Variants in LRFN5 observed in about 807,000 individuals in gnomAD.
LRFN5 encodes the protein leucine-rich repeat and fibronectin type-III domain-containing protein 5.
In LRFN5, 24 loss-of-function variants were observed where a neutral mutation model predicts 45.6. The observed-to-expected ratio is 0.53, with a 90% CI of 0.38 to 0.74. The LOEUF (loss-of-function observed/expected upper bound fraction) is 0.74. Ranked by LOEUF, LRFN5 falls within the 30% of genes least tolerant of loss-of-function variation. The pLI, the probability that LRFN5 is intolerant of heterozygous loss-of-function variation, is 0.00. For missense variants in LRFN5, 776 were observed against 861.5 expected (o/e 0.90, Z 1.24); for synonymous variants, 340 against 313.8 (o/e 1.08, Z -0.88).
chr14:41,819,772 T>C (rs1047449253), intron 2 of LRFN5, among the ~76,000 whole-genome samples: 3 of 152,162 alleles, frequency 2.0e-5, no homozygotes, highest in Admixed American at 6.6e-5. Context: ...CCAGGAGAGA[T>C]AGCCTTCATG....
intron 1 of LRFN5, chr14:41,742,545 A>G (rs2138823925): frequency 6.6e-6 from 1 of 152,294 alleles, no homozygotes; most frequent in East Asian, 1.9e-4. Context: ...CACTTCTTTC[A>G]TCTCTGCAGT....
chr14:41,875,152 A>C (rs1890146034), intron 2 of LRFN5, among the ~76,000 whole-genome samples: 1 of 152,224 alleles, frequency 6.6e-6, no homozygotes, highest in African/African-American at 2.4e-5. Flanking sequence ...TGTTTTAATT[A>C]ATTGAAGTTT....
At chr14:41,893,460 T>G in intron 4 of LRFN5, 1 of 985,060 alleles carries the variant, frequency 1.0e-6, no homozygotes, top group Non-Finnish European at 1.2e-6. Flanking sequence ...GAAATGACAT[T>G]TTAGCCATAA....
At chr14:41,623,357 C>T (rs1212917027) in intron 1 of LRFN5, among the ~76,000 whole-genome samples, 3 of 152,218 alleles carry the variant, frequency 2.0e-5, no homozygotes, top group East Asian at 3.9e-4. Context: ...TTTCCCGAGG[C>T]TTCCCCAGCC....
rs1213013032 is a variant in LRFN5 at position 41,844,820 on chromosome 14, C to CT, written c.-20-41779dup. Among the ~76,000 whole-genome samples the CT allele has an allele frequency of 3.9e-5, 6 of 151,976 alleles. No homozygotes were observed. In the East Asian group the frequency reaches 9.6e-4, roughly 24 times the overall value. ...GAACAAGAATTCCACTACATATAGT[C>CT]TTTTTTTGTATCATTTTCATATAGC... On this transcript the variant is annotated intron_variant, in intron 2 of 5. Transcript: ENST00000298119.
intron 1 of LRFN5, among the ~76,000 whole-genome samples, chr14:41,749,839 T>A (rs953887155): frequency 2.0e-5 from 3 of 152,122 alleles, no homozygotes; most frequent in Non-Finnish European, 4.4e-5. Flanking sequence ...ACTAATTAGA[T>A]GAGAAAATTT....
intron 1 of LRFN5, among the ~76,000 whole-genome samples, chr14:41,760,294 G>A (rs534257705): frequency 5.1e-4 from 77 of 152,202 alleles, no homozygotes; most frequent in African/African-American, 1.2e-3. Context: ...ACTATGTTGC[G>A]TAGGCTGGGC....
chr14:41,767,790 G>T (rs117004851), intron 2 of LRFN5, among the ~76,000 whole-genome samples: 1,999 of 152,238 alleles, frequency 0.013, 25 homozygotes, highest in Non-Finnish European at 0.021. Flanking sequence ...TTAGTTAAAA[G>T]ATTATTTATG....
In LRFN5 at chr14:41,849,866, CTT is replaced by C. The variant is rs541929233; in HGVS notation, c.-20-36739_-20-36738del. On this transcript the variant is annotated intron_variant, in intron 2 of 5. Transcript: ENST00000298119. ...AATATTATATTCTATATACTTGAGA[CTT>C]GAGATTTTTTATAGTGATTAGTCAA... 6.9e-4 allele frequency among the ~76,000 whole-genome samples: 105 copies of C among 152,000 alleles called. 1 individual carries two copies. The South Asian group carries it at 0.015, about 22-fold the overall frequency.
chr14:41,659,796 T>C (rs1594589630), intron 1 of LRFN5, among the ~76,000 whole-genome samples: 1 of 152,304 alleles, frequency 6.6e-6, no homozygotes, highest in East Asian at 1.9e-4. Context: ...ATTTCTCTAA[T>C]GGCCAATGAT....
At chr14:41,664,426 T>A (rs1880801884) in intron 1 of LRFN5, among the ~76,000 whole-genome samples, 1 of 151,998 alleles carries the variant, frequency 6.6e-6, no homozygotes, top group South Asian at 2.1e-4. Context: ...TTAACAGGTT[T>A]GAATCTCACC....
In LRFN5 at chr14:41,887,048, A is replaced by G. The variant is rs1275739059; in HGVS notation, c.423A>G (p.Thr141=). Residue 141 remains threonine (T), a synonymous_variant, in exon 3 of 6, where the codon ACA becomes ACG. Transcript: ENST00000298119. The surrounding 1 kb of genome is among the most constrained non-coding windows in gnomAD (Gnocchi z 4.8). ...ATCAGCTGACTTTAATTTCCTCTACAGCGTTTGATGATGTCTTCGCCCTTG... is the reference window on the plus strand; with the variant it reads ...ATCAGCTGACTTTAATTTCCTCTACGGCGTTTGATGATGTCTTCGCCCTTG... The part of the protein sequence containing the change: ...NNNQLTLISS[T]AFDDVFALEE... 1.2e-6 allele frequency: 2 copies of G among 1,614,160 alleles called. No homozygotes were observed. Among genetic ancestry groups the G allele is most frequent in the Non-Finnish European group, 1.7e-6 (2 of 1,180,042 alleles).
intron 1 of LRFN5, among the ~76,000 whole-genome samples, chr14:41,752,775 T>A (rs1238454399): frequency 6.6e-6 from 1 of 152,202 alleles, no homozygotes; most frequent in Non-Finnish European, 1.5e-5. Context: ...TTTAATTAGA[T>A]CCCATTTGTC....
chr14:41,801,138 G>A (rs1887316350), intron 2 of LRFN5, among the ~76,000 whole-genome samples: 1 of 151,934 alleles, frequency 6.6e-6, no homozygotes, highest in African/African-American at 2.4e-5. Context: ...TGATTTTGAA[G>A]CCTGGTATAA....
At chr14:41,670,455 A>C (rs1214872824) in intron 1 of LRFN5, among the ~76,000 whole-genome samples, 3 of 150,936 alleles carry the variant, frequency 2.0e-5, no homozygotes, top group Non-Finnish European at 4.4e-5. Flanking sequence ...AAATGCATTA[A>C]CCTATTTAAA....
At chr14:41,893,515 G>A (rs1890849714) in intron 4 of LRFN5, 2 of 984,498 alleles carry the variant, frequency 2.0e-6, no homozygotes, top group Non-Finnish European at 2.4e-6. Context: ...AGTACTCTTT[G>A]GGAGTAAGTT....
rs1465305313 is a variant in LRFN5 at position 41,608,384 on chromosome 14, A to G, written c.-375A>G. The stretch of plus-strand genomic sequence containing the variant: ...AGAGCGACCTGCGGGCAGCGGCGGC[A>G]GTGGCAGGAGCCGCCTTTCCGATTC... On this transcript the variant is annotated 5_prime_UTR_variant, in exon 1 of 6. Coordinates refer to ENST00000298119, the MANE Select transcript of LRFN5 (RefSeq NM_152447.5). The G allele has an allele frequency of 6.5e-6, 1 of 152,688 alleles. No individual in the cohort carries two copies. The highest frequency in any genetic ancestry group is 1.5e-5 in the Non-Finnish European group (1 of 68,086). The allele number at this position is 152,688 out of a possible 1,614,324, so 9.5% of individuals were successfully genotyped here.
intron 2 of LRFN5, among the ~76,000 whole-genome samples, chr14:41,853,150 A>C (rs1388803528): frequency 6.6e-6 from 1 of 152,002 alleles, no homozygotes; most frequent in East Asian, 1.9e-4. Context: ...ATGAAGATGG[A>C]TCCATTAAAT....
chr14:41,665,260 A>G (rs904044213), intron 1 of LRFN5, among the ~76,000 whole-genome samples: 14 of 151,980 alleles, frequency 9.2e-5, no homozygotes, highest in Admixed American at 2.6e-4. Flanking sequence ...ATGTTTTCCA[A>G]TGAAGAAATT....
Sources: gnomAD v4.1 joint callset for allele counts (sites outside exome capture counted in the v4.1 genomes callset) on GRCh38, gnomAD v4.1.1 for gene constraint, Gnocchi (gnomAD v3.1) non-coding constraint, MANE v1.5 for transcripts, NCBI Gene and HGNC (gene_info 2026-07-23, HGNC 2026-07-21) for gene names.